Variants in PIEZO2 observed in about 807,000 individuals in gnomAD.
The protein encoded by PIEZO2 is piezo type mechanosensitive ion channel component 2.
Under a neutral mutation model 337.3 loss-of-function variants are expected in PIEZO2, and 172 were observed. That is an observed-to-expected ratio of 0.51 (90% CI 0.45 to 0.58). The LOEUF is 0.58. PIEZO2 is among the 20% of genes least tolerant of loss of function. The pLI is 0.00. For missense variants in PIEZO2, 3,028 were observed against 3,391.3 expected (o/e 0.89, Z 2.66); for synonymous variants, 1,251 against 1,228.5 (o/e 1.02, Z -0.38).
chr18:10,724,165 G>A lies in PIEZO2; in HGVS notation c.5030-5906C>T, dbSNP rs572044984. 5.4e-4 allele frequency among the ~76,000 whole-genome samples: 82 copies of A among 152,262 alleles called. 1 individual carries two copies. Among genetic ancestry groups the A allele is most frequent in the Admixed American group, 2.7e-3 (42 of 15,306 alleles). On this transcript the variant is annotated intron_variant, in intron 36 of 55. Coordinates refer to ENST00000674853, the MANE Select transcript of PIEZO2 (RefSeq NM_001378183.1). The surrounding 1 kb of genome is among the most constrained non-coding windows in gnomAD (Gnocchi z 5.8). ...TGCCTTCAGGAGCTCAGGCTTAGAGGATTCCAGTAACCACCATCTAGGTGG... is the reference window on the plus strand; with the variant it reads ...TGCCTTCAGGAGCTCAGGCTTAGAGAATTCCAGTAACCACCATCTAGGTGG...
rs1316112518 is a variant in PIEZO2, at chr18:10,705,508, AG to A, written c.5826del (p.Ser1943ProfsTer6). The A allele has an allele frequency of 6.5e-7, 1 of 1,537,182 alleles. No homozygotes were observed. The highest frequency in any genetic ancestry group is 8.7e-7 in the Non-Finnish European group (1 of 1,146,888). ...STLDGDVEAP[P>X]SYSKAVSFEH... ...TCGAAGCTCACAGCCTTGCTGTAGG[AG>A]GGTGGGGCCTCCACATCCCCGTCCA... On this transcript the variant is annotated frameshift_variant, in exon 41 of 56. Coordinates refer to ENST00000674853, the MANE Select transcript of PIEZO2 (RefSeq NM_001378183.1). LOFTEE classifies it high-confidence loss of function.
In PIEZO2 at chr18:11,069,057, A is replaced by G. The variant is rs1339555706; in HGVS notation, c.65-2835T>C. On this transcript the variant is annotated intron_variant, in intron 1 of 55. Coordinates refer to ENST00000674853, the MANE Select transcript of PIEZO2 (RefSeq NM_001378183.1). The surrounding 1 kb of genome is among the most constrained non-coding windows in gnomAD (Gnocchi z 4.9). ...AGTCTCCCCTCAAAAATAAATGAAT[A>G]AATAAATAAAAGCCCAGGACCTCAT... Among the ~76,000 whole-genome samples, 1 of 152,170 alleles carries G rather than the reference A, an allele frequency of 6.6e-6. No homozygotes were observed. The highest frequency in any genetic ancestry group is 1.5e-5 in the Non-Finnish European group (1 of 68,020).
intron 30 of PIEZO2, among the ~76,000 whole-genome samples, chr18:10,745,756 A>C (rs2037398106): frequency 6.7e-6 from 1 of 150,112 alleles, no homozygotes; most frequent in Non-Finnish European, 1.5e-5. Flanking sequence ...GCTGCAACTC[A>C]CCTCCTTCAA....
intron 12 of PIEZO2, among the ~76,000 whole-genome samples, chr18:10,796,239 A>G (rs112781560): frequency 0.28 from 42,469 of 151,634 alleles, 6,962 homozygotes; most frequent in Middle Eastern, 0.41. Flanking sequence ...GCGTGGTGGC[A>G]GGCGCCTGTA....
chr18:11,143,627 ACACACACACACACTCTCTCTCT>A lies in PIEZO2; in HGVS notation c.64+4876_64+4897del, dbSNP rs1432930622. Among the ~76,000 whole-genome samples, 40 of 107,932 alleles carry A rather than the reference ACACACACACACACTCTCTCTCT, an allele frequency of 3.7e-4. No individual in the cohort carries two copies. Among genetic ancestry groups the A allele is most frequent in the African/African-American group, 2.3e-3 (39 of 16,668 alleles). The allele number at this position is 107,932 out of a possible 152,430, so 70.8% of individuals were successfully genotyped here. A position where few individuals can be genotyped will look rare whatever the true frequency, so the allele number is the denominator to read the frequency against. Reference sequence around the variant, plus strand: ...CACACACACACACACACACACACACACACACACACACACTCTCTCTCTCTCTCTCTCTCTCTCTCTCTCTCAC... The same window carrying A: ...CACACACACACACACACACACACACACTCTCTCTCTCTCTCTCTCTCTCAC... On this transcript the variant is annotated intron_variant, in intron 1 of 55. Coordinates refer to ENST00000674853, the MANE Select transcript of PIEZO2 (RefSeq NM_001378183.1). The surrounding 1 kb of genome is among the most constrained non-coding windows in gnomAD (Gnocchi z 4.9).
intron 3 of PIEZO2, among the ~76,000 whole-genome samples, chr18:10,930,558 T>C (rs1263843056): frequency 6.6e-6 from 1 of 152,218 alleles, no homozygotes; most frequent in Admixed American, 6.5e-5. Context: ...GGGCACATGT[T>C]CTCAGGACCT....
chr18:10,820,423 A>C (rs1183365931), intron 7 of PIEZO2, among the ~76,000 whole-genome samples: 1 of 149,482 alleles, frequency 6.7e-6, no homozygotes, highest in Non-Finnish European at 1.5e-5. Flanking sequence ...AAGTTCATCT[A>C]TCTTTTCTTC....
chr18:11,005,955 A>G (rs1264804903), intron 2 of PIEZO2, among the ~76,000 whole-genome samples: 1 of 152,150 alleles, frequency 6.6e-6, no homozygotes, highest in South Asian at 2.1e-4. Context: ...TAGGAAACAA[A>G]CCTTCTTATG....
rs1324607998 is a variant in PIEZO2 at position 10,980,251 on chromosome 18, C to A, written c.161-591G>T. 6.6e-6 allele frequency among the ~76,000 whole-genome samples: 1 copy of A among 151,782 alleles called. No individual in the cohort carries two copies. The highest frequency in any genetic ancestry group is 1.5e-5 in the Non-Finnish European group (1 of 67,956). On this transcript the variant is annotated intron_variant, in intron 2 of 55. Coordinates refer to ENST00000674853, the MANE Select transcript of PIEZO2 (RefSeq NM_001378183.1). The surrounding 1 kb of genome is among the most constrained non-coding windows in gnomAD (Gnocchi z 4.8). ...AAAAGTATAGTTAACATTAACAAAT[C>A]AATAAGTATAATTCACACACTAGTG...
chr18:10,827,310 G>T (rs954521231), intron 7 of PIEZO2, among the ~76,000 whole-genome samples: 2 of 151,780 alleles, frequency 1.3e-5, no homozygotes, highest in South Asian at 2.1e-4. Context: ...TGCCACCTTT[G>T]TTTTCTTTCT....
intron 29 of PIEZO2, among the ~76,000 whole-genome samples, chr18:10,749,318 A>AGCT (rs1240978123): frequency 1.3e-5 from 2 of 152,216 alleles, no homozygotes; most frequent in East Asian, 3.9e-4. Flanking sequence ...ATAGTGGTGC[A>AGCT]GCTACTCAGG....
rs1157620858 is a variant in PIEZO2, at chr18:10,945,069, A to T, written c.287-33841T>A. On this transcript the variant is annotated intron_variant, in intron 3 of 55. Coordinates refer to ENST00000674853, the MANE Select transcript of PIEZO2 (RefSeq NM_001378183.1). The surrounding 1 kb of genome is among the most constrained non-coding windows in gnomAD (Gnocchi z 4.0). ...AGTTCACAGGAAAGAGTATTAGAGA[A>T]TAGATTGCAGCACAGAAGAAGGGCC... Among the ~76,000 whole-genome samples, 1 of 152,120 alleles carries T rather than the reference A, an allele frequency of 6.6e-6. No individual in the cohort carries two copies. The highest frequency in any genetic ancestry group is 1.9e-4 in the East Asian group (1 of 5,180).
rs2038202776 is a variant in PIEZO2 at position 10,763,002 on chromosome 18, T to C, written c.3043A>G (p.Thr1015Ala). 1 of 1,537,128 alleles carries C rather than the reference T, an allele frequency of 6.5e-7. No individual in the cohort carries two copies. The highest frequency in any genetic ancestry group is 8.7e-7 in the Non-Finnish European group (1 of 1,146,912). ...ATTTTGCAGACGATGATCACACACG[T>C]CCAGACTGTGCAGACACTTGAAGCC... Reference protein sequence around the residue: ...RLASSVCTVWTCVIIVCKMLY... With the variant: ...RLASSVCTVWACVIIVCKMLY... The change falls in exon 22 of 56, where the codon ACG becomes GCG. Residue 1015 changes from threonine to alanine, a missense_variant. Physicochemically the swap from Thr to Ala is moderately conservative, Grantham distance 58. This residue lies in a region of PIEZO2 where 1,925 missense variants were observed against 2,051.9 expected (regional missense o/e 0.94). Transcript: ENST00000674853.
chr18:11,014,864 C>G (rs1170618886), intron 2 of PIEZO2, among the ~76,000 whole-genome samples: 1 of 134,878 alleles, frequency 7.4e-6, no homozygotes, highest in Non-Finnish European at 1.6e-5. Flanking sequence ...GGTAAGACAG[C>G]GATCCAAGGC....
chr18:10,681,305 A>G (rs550200450), intron 51 of PIEZO2, among the ~76,000 whole-genome samples: 2 of 152,340 alleles, frequency 1.3e-5, no homozygotes, highest in Admixed American at 6.5e-5. Flanking sequence ...CAGAGAATGC[A>G]CTCATAAGCC....
At chr18:10,934,425 C>T (rs761105609) in intron 3 of PIEZO2, among the ~76,000 whole-genome samples, 9 of 152,176 alleles carry the variant, frequency 5.9e-5, no homozygotes, top group South Asian at 2.1e-4. Flanking sequence ...GCTCTCATGG[C>T]GAGCAAAATT....
Position 11,099,333 on chromosome 18 carries a change from G to A in PIEZO2, c.65-33111C>T, listed in dbSNP as rs1240761149. Among the ~76,000 whole-genome samples the A allele has an allele frequency of 6.6e-6, 1 of 152,094 alleles. No homozygotes were observed. Among genetic ancestry groups the A allele is most frequent in the African/African-American group, 2.4e-5 (1 of 41,418 alleles). On this transcript the variant is annotated intron_variant, in intron 1 of 55. Coordinates refer to ENST00000674853, the MANE Select transcript of PIEZO2 (RefSeq NM_001378183.1). The surrounding 1 kb of genome is among the most constrained non-coding windows in gnomAD (Gnocchi z 5.4). Reference sequence around the variant, plus strand: ...AACTTGTCTCCAAAAAACAAACTTTGAAAATTATATATCCCACATAGAAGT... The same window carrying A: ...AACTTGTCTCCAAAAAACAAACTTTAAAAATTATATATCCCACATAGAAGT...
At chr18:11,108,476 C>T (rs1281580254) in intron 1 of PIEZO2, among the ~76,000 whole-genome samples, 20 of 151,330 alleles carry the variant, frequency 1.3e-4, no homozygotes, top group South Asian at 2.1e-4. Context: ...TAGCCGGGCG[C>T]GGTGGCGGGC....
intron 52 of PIEZO2, among the ~76,000 whole-genome samples, chr18:10,679,463 T>C (rs2143476556): frequency 6.6e-6 from 1 of 152,378 alleles, no homozygotes; most frequent in Admixed American, 6.5e-5. Flanking sequence ...GAGCAGGATA[T>C]TGATTTTTTT....
Sources: allele counts gnomAD v4.1 joint callset (sites outside exome capture counted in the v4.1 genomes callset), GRCh38; gene constraint gnomAD v4.1.1; regional missense constraint gnomAD v4.1.1; non-coding constraint Gnocchi (gnomAD v3.1); transcripts MANE v1.5; gene names NCBI Gene and HGNC (gene_info 2026-07-23, HGNC 2026-07-21).